Variants in LRRC37A2 observed in about 807,000 individuals in gnomAD.
LRRC37A2 encodes the protein leucine rich repeat containing 37 member A2, also known as leucine-rich repeat-containing protein 37A2.
In LRRC37A2, 9 loss-of-function variants were observed where a neutral mutation model predicts 68.8. The ratio of observed to expected loss-of-function variants is 0.13; its 90% CI spans 0.08 to 0.23. The LOEUF (loss-of-function observed/expected upper bound fraction) is 0.23, where lower values mean the gene tolerates loss of function less well. Ranked by LOEUF, LRRC37A2 falls within the 10% of genes least tolerant of loss-of-function variation. The probability of loss-of-function intolerance (pLI) is 1.00; values close to 1 mark genes in which losing one functional copy is unlikely to be tolerated. For synonymous variants in LRRC37A2, 63 were observed against 367.6 expected (o/e 0.17, Z 9.48); for missense variants, 168 against 950.4 (o/e 0.18, Z 10.82).
At chr17:46,838,199 G>C in the LRRC37A2 span, among the ~76,000 whole-genome samples, 1 of 152,090 alleles carries the variant, frequency 6.6e-6, no homozygotes, top group African/African-American at 2.4e-5. Flanking sequence ...GAAAATTCAG[G>C]CTCTTGCCAT....
At chr17:46,974,224 G>C in the LRRC37A2 span, among the ~76,000 whole-genome samples, 1 of 152,224 alleles carries the variant, frequency 6.6e-6, no homozygotes, top group Non-Finnish European at 1.5e-5. Context: ...CAAGTGCCAG[G>C]GTTTCTGGGG....
chr17:46,742,210 G>T, the LRRC37A2 span, among the ~76,000 whole-genome samples: 1 of 152,190 alleles, frequency 6.6e-6, no homozygotes, highest in South Asian at 2.1e-4. Flanking sequence ...GTTCATTCTA[G>T]ATTATTTTCT....
At chr17:46,846,087 G>A in the LRRC37A2 span, among the ~76,000 whole-genome samples, 4 of 152,076 alleles carry the variant, frequency 2.6e-5, no homozygotes, top group South Asian at 2.1e-4. Flanking sequence ...CACCGTGCCC[G>A]GCCATGTTAT....
At chr17:46,728,817 G>A in the LRRC37A2 span, 2 of 1,376,142 alleles carry the variant, frequency 1.5e-6, no homozygotes, top group Non-Finnish European at 2.0e-6. Context: ...ATGTACATGT[G>A]TATCAAATCC....
chr17:46,442,138 C>T, the LRRC37A2 span, among the ~76,000 whole-genome samples: 1 of 80,972 alleles, frequency 1.2e-5, no homozygotes, highest in Non-Finnish European at 3.4e-5. Context: ...GGGTTAACAA[C>T]AGTCACTCCC....
At chr17:46,405,931 T>A in the LRRC37A2 span, among the ~76,000 whole-genome samples, 417 of 148,672 alleles carry the variant, frequency 2.8e-3, 7 homozygotes, top group African/African-American at 9.9e-3. Context: ...TTTTTTTTTT[T>A]AAATATAGTC....
At chr17:46,772,201 G>C in the LRRC37A2 span, among the ~76,000 whole-genome samples, 106 of 152,284 alleles carry the variant, frequency 7.0e-4, 3 homozygotes, top group East Asian at 0.018. Context: ...CGTCTTCCGG[G>C]ATGCTCTCCT....
At chr17:46,938,375 T>C in the LRRC37A2 span, among the ~76,000 whole-genome samples, 1 of 152,208 alleles carries the variant, frequency 6.6e-6, no homozygotes, top group Non-Finnish European at 1.5e-5. Flanking sequence ...CAGCACCATT[T>C]GTGGAAAAGA....
the LRRC37A2 span, among the ~76,000 whole-genome samples, chr17:46,775,184 A>G: frequency 6.6e-6 from 1 of 152,184 alleles, no homozygotes; most frequent in Admixed American, 6.5e-5. Context: ...CACTTTATAT[A>G]CAACATTTCT....
At chr17:46,938,045 T>G in the LRRC37A2 span, 10 of 175,982 alleles carry the variant, frequency 5.7e-5, no homozygotes, top group Non-Finnish European at 2.4e-5. Flanking sequence ...TTTTTTTTTG[T>G]AGAGAAGGGG....
chr17:47,044,998 G>A, the LRRC37A2 span, among the ~76,000 whole-genome samples: 16 of 151,166 alleles, frequency 1.1e-4, no homozygotes, highest in Admixed American at 3.3e-4. Flanking sequence ...ATAACAGAGC[G>A]AGACCTGGCC....
At chr17:46,978,542 T>TGGGC in the LRRC37A2 span, 2 of 1,427,160 alleles carry the variant, frequency 1.4e-6, no homozygotes, top group Non-Finnish European at 1.9e-6. Flanking sequence ...GGCACGTAGC[T>TGGGC]GCCCGCCCGG....
chr17:46,842,174 T>C, the LRRC37A2 span, among the ~76,000 whole-genome samples: 2 of 152,322 alleles, frequency 1.3e-5, no homozygotes, highest in Admixed American at 6.5e-5. Flanking sequence ...TTTAGGTCCT[T>C]GGGCAGGCCA....
chr17:46,872,697 G>A, the LRRC37A2 span: 1 of 1,613,538 alleles, frequency 6.2e-7, no homozygotes, highest in African/African-American at 1.3e-5. Context: ...ACCTCGGCCT[G>A]CTTGAGTGCC....
At chr17:46,742,565 A>C in the LRRC37A2 span, among the ~76,000 whole-genome samples, 1 of 152,210 alleles carries the variant, frequency 6.6e-6, no homozygotes, top group Non-Finnish European at 1.5e-5. Context: ...GGGAAAGGGC[A>C]GGATAAGGGT....
intron 6 of LRRC37A2, among the ~76,000 whole-genome samples, chr17:46,526,614 C>A (rs921724441): frequency 9.4e-6 from 1 of 105,930 alleles, no homozygotes; most frequent in Non-Finnish European, 2.1e-5. Flanking sequence ...TGAATGAAGC[C>A]TCTATGTTAT....
At chr17:46,922,622 T>C in the LRRC37A2 span, among the ~76,000 whole-genome samples, 2 of 152,208 alleles carry the variant, frequency 1.3e-5, no homozygotes, top group African/African-American at 4.8e-5. Context: ...TTCCCTACTT[T>C]ACACATGACA....
At chr17:46,951,653 C>T in the LRRC37A2 span, among the ~76,000 whole-genome samples, 2 of 152,200 alleles carry the variant, frequency 1.3e-5, no homozygotes, top group Non-Finnish European at 2.9e-5. Flanking sequence ...AGAGCTTCCC[C>T]GTTCCCCTCT....
At chr17:46,966,509 G>A in the LRRC37A2 span, 70 of 685,468 alleles carry the variant, frequency 1.0e-4, no homozygotes, top group Non-Finnish European at 1.6e-4. Flanking sequence ...CACCACACCC[G>A]ATTAATTTTT....
Sources: allele counts gnomAD v4.1 joint callset (sites outside exome capture counted in the v4.1 genomes callset), GRCh38; gene constraint gnomAD v4.1.1; transcripts MANE v1.5; gene names NCBI Gene and HGNC (gene_info 2026-07-23, HGNC 2026-07-21).